Variants in PCGF6 observed in about 807,000 individuals in gnomAD.
The protein encoded by PCGF6 is polycomb group ring finger 6.
PCGF6 carries 24 observed loss-of-function variants against 45.5 expected under a neutral mutation model. The observed-to-expected ratio is 0.53, with a 90% CI of 0.38 to 0.74. The LOEUF is 0.74. Among genes scored for constraint, PCGF6 ranks in the 30% least tolerant of loss-of-function variants. The pLI is 0.00. For synonymous variants in PCGF6, 152 were observed against 162.1 expected, an observed-to-expected ratio of 0.94 and a Z score of 0.47; for missense variants, 356 against 443.2, an observed-to-expected ratio of 0.80 and a Z score of 1.77.
At chr10:103,346,929 ATT>A (rs1193694935) in intron 5 of PCGF6, among the ~76,000 whole-genome samples, 1 of 152,178 alleles carries the variant, frequency 6.6e-6, no homozygotes, top group Non-Finnish European at 1.5e-5. Flanking sequence ...TACTCAATAT[ATT>A]TTTTTAAATG....
intron 9 of PCGF6, among the ~76,000 whole-genome samples, chr10:103,305,491 G>A (rs1439170902): frequency 1.3e-5 from 2 of 151,908 alleles, no homozygotes; most frequent in South Asian, 2.1e-4. Context: ...GGCTGGTCCC[G>A]AACTCCTGAC....
At chr10:103,315,674 T>C (rs973073543) in intron 8 of PCGF6, among the ~76,000 whole-genome samples, 55 of 152,140 alleles carry the variant, frequency 3.6e-4, no homozygotes, top group African/African-American at 1.3e-3. Context: ...TGTGGTTTTC[T>C]TTTTTCAATT....
At chr10:103,314,319 C>A (rs758563514) in intron 8 of PCGF6, 47 bp from the exon 9 acceptor site, 2 of 1,115,742 alleles carry the variant, frequency 1.8e-6, no homozygotes, top group Admixed American at 2.2e-5. Context: ...CTTCAAAATA[C>A]CATCTGAAGA....
chr10:103,331,402 T>A lies in PCGF6; in HGVS notation c.810+2523A>T, dbSNP rs561671862. 2.6e-5 allele frequency among the ~76,000 whole-genome samples: 4 copies of A among 152,132 alleles called. No homozygotes were observed. In the South Asian group the frequency reaches 8.3e-4, roughly 32 times the overall value. On this transcript the variant is annotated intron_variant, in intron 7 of 9. Transcript: ENST00000369847. ...CTTCCCAAGTAGCTGGGATTATAGGTGCCCACCACCACGCCTGGCTAATTT... is the reference window on the plus strand; with the variant it reads ...CTTCCCAAGTAGCTGGGATTATAGGAGCCCACCACCACGCCTGGCTAATTT...
intron 6 of PCGF6, among the ~76,000 whole-genome samples, chr10:103,342,304 G>A (rs2093283870): frequency 1.3e-5 from 2 of 151,340 alleles, no homozygotes; most frequent in African/African-American, 4.9e-5. Flanking sequence ...CATAATCTTG[G>A]GTTACTGCAA....
rs1489036303 is a variant in PCGF6, at chr10:103,323,906, ATTAAT to A, written c.909+2623_909+2627del. On this transcript the variant is annotated intron_variant, in intron 8 of 9. Transcript: ENST00000369847. ...GGCCAGTCACTGTTTTAACATATCT[ATTAAT>A]TTAACTAACAATACAGTATTTTATT... 1.3e-4 allele frequency among the ~76,000 whole-genome samples: 20 copies of A among 151,642 alleles called. No homozygotes were observed. In the Admixed American group the frequency reaches 1.3e-3, roughly 10 times the overall value.
chr10:103,323,775 G>A (rs1441724595), intron 8 of PCGF6, among the ~76,000 whole-genome samples: 2 of 150,408 alleles, frequency 1.3e-5, no homozygotes, highest in East Asian at 2.0e-4. Context: ...GGTAGAGACG[G>A]GGTTTCGCCA....
chr10:103,317,541 T>C (rs2093180388), intron 8 of PCGF6, among the ~76,000 whole-genome samples: 3 of 152,028 alleles, frequency 2.0e-5, no homozygotes, highest in African/African-American at 4.8e-5. Context: ...TCTTAGCTGC[T>C]TGGGAAGCTG....
At position 103,347,293 on chromosome 10, in the gene PCGF6, T is replaced by C. The variant is rs772165800; in HGVS notation, c.618A>G (p.Glu206=). The part of the protein sequence containing the change: ...YKLVINLEER[E]KKQMHDFYKE... ...TATAGAAATCATGCATTTGCTTTTT[T>C]TCTCCTAAAAAATGATAAAACACAG... Residue 206 remains glutamate, a synonymous_variant, in exon 5 of 10, where the codon GAA becomes GAG. Coordinates refer to ENST00000369847, the MANE Select transcript of PCGF6 (RefSeq NM_001011663.2). The C allele has an allele frequency of 1.9e-6, 3 of 1,608,006 alleles. No individual in the cohort carries two copies. The highest frequency in any genetic ancestry group is 2.2e-5 in the South Asian group (2 of 90,884).
chr10:103,313,435 C>T (rs2093164339), intron 9 of PCGF6, among the ~76,000 whole-genome samples: 1 of 152,138 alleles, frequency 6.6e-6, no homozygotes. Flanking sequence ...TGTGGTGGCA[C>T]ATGCCTATAA....
intron 8 of PCGF6, among the ~76,000 whole-genome samples, chr10:103,315,992 G>T (rs112869295): frequency 8.9e-6 from 1 of 112,400 alleles, no homozygotes; most frequent in Non-Finnish European, 1.9e-5. Context: ...GTGTGTGTGT[G>T]TGTATATATA....
chr10:103,313,727 T>A (rs1454771966), intron 9 of PCGF6, among the ~76,000 whole-genome samples: 3 of 152,238 alleles, frequency 2.0e-5, no homozygotes, highest in African/African-American at 7.2e-5. Context: ...TGGACAAACT[T>A]GGCTCTAAAG....
intron 6 of PCGF6, among the ~76,000 whole-genome samples, chr10:103,343,326 G>A (rs2093287768): frequency 6.6e-6 from 1 of 151,660 alleles, no homozygotes; most frequent in Admixed American, 6.6e-5. Flanking sequence ...AAGTAGCCTA[G>A]AGTTATAAAG....
chr10:103,308,614 G>C (rs910344324), intron 9 of PCGF6, among the ~76,000 whole-genome samples: 1 of 152,044 alleles, frequency 6.6e-6, no homozygotes, highest in Non-Finnish European at 1.5e-5. Flanking sequence ...GATCACGCCT[G>C]TAATCCCAGC....
Position 103,303,799 on chromosome 10 carries a change from T to A in PCGF6, c.*106A>T. 1.0e-6 allele frequency: 1 copy of A among 994,130 alleles called. No individual in the cohort carries two copies. Among genetic ancestry groups the A allele is most frequent in the East Asian group, 2.4e-5 (1 of 41,830 alleles). The allele number at this position is 994,130 out of a possible 1,614,324, so 61.6% of individuals were successfully genotyped here. On this transcript the variant is annotated 3_prime_UTR_variant, in exon 10 of 10. Coordinates refer to ENST00000369847, the MANE Select transcript of PCGF6 (RefSeq NM_001011663.2). ...TGGTGCTAAAAATAGGTAAGTTATG[T>A]CTTGAACAGCAAAGTGGTAGCAATT...
chr10:103,336,163 G>A (rs2093256452), intron 6 of PCGF6, among the ~76,000 whole-genome samples: 1 of 151,712 alleles, frequency 6.6e-6, no homozygotes, highest in East Asian at 1.9e-4. Context: ...GAAATCGGGA[G>A]GCAAAGGTTG....
intron 8 of PCGF6, among the ~76,000 whole-genome samples, chr10:103,317,561 G>T (rs1008512617): frequency 7.2e-5 from 11 of 151,984 alleles, no homozygotes; most frequent in African/African-American, 2.7e-4. Context: ...GAGGCAGGAG[G>T]ACTGCTTGAG....
chr10:103,316,981 A>C (rs1255741891), intron 8 of PCGF6, among the ~76,000 whole-genome samples: 1 of 152,054 alleles, frequency 6.6e-6, no homozygotes, highest in Non-Finnish European at 1.5e-5. Flanking sequence ...AAGTTAAAGA[A>C]TTTGGTACCA....
At position 103,351,000 on chromosome 10, in the gene PCGF6, A is replaced by AG; in HGVS notation, c.66dup (p.Pro24AlafsTer19). The AG allele has an allele frequency of 8.7e-7, 1 of 1,143,798 alleles. No homozygotes were observed. Among genetic ancestry groups the AG allele is most frequent in the Non-Finnish European group, 1.2e-6 (1 of 866,560 alleles). 70.9% of individuals were successfully genotyped at this position (1,143,798 alleles called of 1,614,324 possible). Reference sequence around the variant, plus strand: ...GGGGAGACAGGAGGCGGAGGCGGCAAGGCTGCAGCTCCCTCGGTTTTGGCA... The same window carrying AG: ...GGGGAGACAGGAGGCGGAGGCGGCAAGGGCTGCAGCTCCCTCGGTTTTGGCA... On this transcript the variant is annotated frameshift_variant, in exon 1 of 10. Coordinates refer to ENST00000369847, the MANE Select transcript of PCGF6 (RefSeq NM_001011663.2). LOFTEE classifies it high-confidence loss of function.
Sources: gnomAD v4.1 joint callset for allele counts (sites outside exome capture counted in the v4.1 genomes callset) on GRCh38, gnomAD v4.1.1 for gene constraint, MANE v1.5 for transcripts, NCBI Gene and HGNC (gene_info 2026-07-23, HGNC 2026-07-21) for gene names.